Variants in FBXO34 observed in about 807,000 individuals in gnomAD.
FBXO34 encodes F-box only protein 34.
A neutral mutation model predicts 24.5 loss-of-function variants in FBXO34; 12 were observed. The observed-to-expected ratio is 0.49, with a 90% CI of 0.31 to 0.79. The LOEUF is 0.79. Among genes scored for constraint, FBXO34 ranks in the 30% least tolerant of loss-of-function variants. FBXO34 has a pLI of 0.04. For synonymous variants in FBXO34, 320 were observed against 311.9 expected, an observed-to-expected ratio of 1.03 and a Z score of -0.27; for missense variants, 823 against 857.7, an observed-to-expected ratio of 0.96 and a Z score of 0.51.
At chr14:55,328,117 C>A (rs1331842027) in intron 1 of FBXO34, among the ~76,000 whole-genome samples, 1 of 151,286 alleles carries the variant, frequency 6.6e-6, no homozygotes, top group Non-Finnish European at 1.5e-5. Flanking sequence ...CCACCATGAT[C>A]GGCTAATTTT....
chr14:55,316,564 CA>C (rs35008153), intron 1 of FBXO34, among the ~76,000 whole-genome samples: 51,960 of 117,992 alleles, frequency 0.44, 9,734 homozygotes, highest in East Asian at 0.51. Context: ...CTGTCTCTAC[CA>C]AAAAAAAAAA....
At chr14:55,332,195 A>C (rs938731735) in intron 1 of FBXO34, among the ~76,000 whole-genome samples, 2 of 151,378 alleles carry the variant, frequency 1.3e-5, no homozygotes, top group South Asian at 4.2e-4. Context: ...TCTGGCTTTC[A>C]TTTTCATTCA....
At chr14:55,289,919 A>C (rs1334914497) in intron 1 of FBXO34, among the ~76,000 whole-genome samples, 5 of 152,034 alleles carry the variant, frequency 3.3e-5, no homozygotes, top group Non-Finnish European at 7.4e-5. Context: ...TTTTTCACCT[A>C]ACAGTAGTTT....
chr14:55,441,453 G>A, the FBXO34 span, among the ~76,000 whole-genome samples: 16 of 152,248 alleles, frequency 1.1e-4, no homozygotes, highest in African/African-American at 2.9e-4. Flanking sequence ...ACTGCATTCC[G>A]CCAGGGATGT....
intron 1 of FBXO34, among the ~76,000 whole-genome samples, chr14:55,321,468 C>G (rs1883133277): frequency 6.6e-6 from 1 of 151,854 alleles, no homozygotes; most frequent in African/African-American, 2.4e-5. Flanking sequence ...GGGATTTCAG[C>G]TCACTGCAAC....
intron 1 of FBXO34, chr14:55,272,010 T>C (rs1881165213): frequency 6.6e-6 from 1 of 152,176 alleles, no homozygotes; most frequent in Admixed American, 6.5e-5. Flanking sequence ...TCCTTAACCT[T>C]CTTCAACGAC....
chr14:55,395,065 C>A, the FBXO34 span: 1 of 502,340 alleles, frequency 2.0e-6, no homozygotes. Context: ...CTTTGCTCCC[C>A]TTTTCCCTTT....
At chr14:55,331,243 T>C (rs1363416686) in intron 1 of FBXO34, among the ~76,000 whole-genome samples, 1 of 152,114 alleles carries the variant, frequency 6.6e-6, no homozygotes, top group African/African-American at 2.4e-5. Flanking sequence ...GGCTAGAAAT[T>C]TCTCCCTTCT....
chr14:55,322,522 G>C (rs1883174714), intron 1 of FBXO34, among the ~76,000 whole-genome samples: 1 of 152,072 alleles, frequency 6.6e-6, no homozygotes, highest in Admixed American at 6.5e-5. Context: ...TTTTTGATGA[G>C]ACGGGGTCTC....
the FBXO34 span, among the ~76,000 whole-genome samples, chr14:55,380,249 AAACAACAAC>A: frequency 4.7e-3 from 701 of 150,614 alleles, 33 homozygotes; most frequent in East Asian, 0.12. Context: ...CTCTGTCTCA[AAACAACAAC>A]AACAACAACA....
At chr14:55,360,979 T>TA (rs758508895) in intron 3 of FBXO34, among the ~76,000 whole-genome samples, 2 of 151,670 alleles carry the variant, frequency 1.3e-5, no homozygotes, top group African/African-American at 4.8e-5. Flanking sequence ...GCCTGGGTGA[T>TA]AGAGTGAGAT....
intron 3 of FBXO34, among the ~76,000 whole-genome samples, chr14:55,360,086 T>C (rs1479995349): frequency 6.6e-6 from 1 of 151,924 alleles, no homozygotes; most frequent in African/African-American, 2.4e-5. Context: ...ATAATTTTTT[T>C]TTTTGAGTTG....
the FBXO34 span, among the ~76,000 whole-genome samples, chr14:55,416,351 G>T: frequency 6.6e-6 from 1 of 152,106 alleles, no homozygotes; most frequent in African/African-American, 2.4e-5. Context: ...CAGCACTTTG[G>T]GAGGCCAAGG....
At chr14:55,325,357 A>G (rs528801812) in intron 1 of FBXO34, among the ~76,000 whole-genome samples, 2 of 152,198 alleles carry the variant, frequency 1.3e-5, no homozygotes, top group Non-Finnish European at 1.5e-5. Context: ...CAATCTGAAA[A>G]TCTGTTCTGA....
At chr14:55,381,372 C>A in the FBXO34 span, among the ~76,000 whole-genome samples, 2 of 152,158 alleles carry the variant, frequency 1.3e-5, no homozygotes, top group African/African-American at 4.8e-5. Flanking sequence ...ACTACTAAAA[C>A]ACATTACAAA....
the FBXO34 span, among the ~76,000 whole-genome samples, chr14:55,418,110 A>C: frequency 0.4 from 61,266 of 152,006 alleles, 14,308 homozygotes; most frequent in East Asian, 0.58. Flanking sequence ...GGACATTGGC[A>C]TGGCTAGTCC....
intron 1 of FBXO34, among the ~76,000 whole-genome samples, chr14:55,338,936 C>CA (rs764269714): frequency 1.4e-4 from 21 of 148,974 alleles, no homozygotes; most frequent in South Asian, 4.3e-4. Context: ...AAAAAAAAGC[C>CA]AAAAAAAACC....
chr14:55,298,654 C>T (rs1882227062), intron 1 of FBXO34: 4 of 1,515,630 alleles, frequency 2.6e-6, no homozygotes, highest in South Asian at 1.2e-5. Context: ...CTGTTCGGGG[C>T]TGGAGGGGGT....
At chr14:55,416,288 A>G in the FBXO34 span, among the ~76,000 whole-genome samples, 1 of 152,156 alleles carries the variant, frequency 6.6e-6, no homozygotes, top group South Asian at 2.1e-4. Flanking sequence ...AGTCCTTATA[A>G]GCTTAATTTT....
Sources: gnomAD v4.1 joint callset for allele counts (sites outside exome capture counted in the v4.1 genomes callset) on GRCh38, gnomAD v4.1.1 for gene constraint, MANE v1.5 for transcripts, NCBI Gene and HGNC (gene_info 2026-07-23, HGNC 2026-07-21) for gene names.